The following OSBPL2 variants were observed in gnomAD, a reference collection of about 807,000 sequenced individuals.
OSBPL2 encodes the protein oxysterol binding protein like 2.
In OSBPL2, 18 loss-of-function variants were observed where a neutral mutation model predicts 58.4. The ratio of observed to expected loss-of-function variants is 0.31; its 90% CI spans 0.21 to 0.46. The LOEUF (loss-of-function observed/expected upper bound fraction) is 0.46, where lower values mean the gene tolerates loss of function less well. Among genes scored for constraint, OSBPL2 ranks in the 20% least tolerant of loss-of-function variants. The pLI is 1.00. For synonymous variants in OSBPL2, 221 were observed against 234.1 expected (o/e 0.94, Z 0.51); for missense variants, 461 against 616.5 (o/e 0.75, Z 2.67).
At chr20:62,257,715 ATT>A (rs536036293) in intron 2 of OSBPL2, among the ~76,000 whole-genome samples, 24 of 129,148 alleles carry the variant, frequency 1.9e-4, no homozygotes, top group African/African-American at 3.1e-4. Flanking sequence ...ACCTCTGGCC[ATT>A]TTTTTTTTTT....
intron 1 of OSBPL2, among the ~76,000 whole-genome samples, chr20:62,254,673 G>C (rs917256846): frequency 6.6e-6 from 1 of 152,262 alleles, no homozygotes; most frequent in African/African-American, 2.4e-5. Flanking sequence ...TCGCCCCGGC[G>C]CCCTCACCCT....
chr20:62,257,101 C>T (rs184867684), intron 2 of OSBPL2, among the ~76,000 whole-genome samples: 1 of 152,366 alleles, frequency 6.6e-6, no homozygotes, highest in East Asian at 1.9e-4. Flanking sequence ...AGCACTTCTG[C>T]GGTTACTGCC....
intron 3 of OSBPL2, among the ~76,000 whole-genome samples, chr20:62,261,753 G>A (rs557659388): frequency 9.2e-5 from 14 of 152,158 alleles, no homozygotes; most frequent in Non-Finnish European, 2.1e-4. Flanking sequence ...TTGTGCAGAG[G>A]CATTTGTGTA....
At chr20:62,240,985 C>T (rs1979689893) in intron 1 of OSBPL2, among the ~76,000 whole-genome samples, 1 of 152,162 alleles carries the variant, frequency 6.6e-6, no homozygotes, top group Admixed American at 6.5e-5. Flanking sequence ...GGGGACTTCA[C>T]ACACTGCCTT....
rs371594976 is a variant in OSBPL2, at chr20:62,256,190, C to T, written c.6C>T (p.Asn2=). 71 of 1,613,598 alleles carry T rather than the reference C, an allele frequency of 4.4e-5. No individual in the cohort carries two copies. Among genetic ancestry groups the T allele is most frequent in the Admixed American group, 1.3e-4 (8 of 59,968 alleles). Residue 2 remains asparagine, a synonymous_variant, in exon 2 of 14, where the codon AAC becomes AAT. Transcript: ENST00000313733. The part of the protein sequence containing the change: M[N]GEEEFFDAVT... ...TGGAGGCTGGCTGCTGAAGGATGAA[C>T]GGAGAGGAAGAATTCTTTGATGCCG...
At chr20:62,280,285 G>A (rs1283311959) in intron 7 of OSBPL2, 2 of 410,504 alleles carry the variant, frequency 4.9e-6, no homozygotes, top group Non-Finnish European at 4.4e-6. Context: ...GGTTCCACAA[G>A]GACCTGGAGA....
At chr20:62,259,084 G>A (rs547912038) in intron 2 of OSBPL2, 2 of 152,352 alleles carry the variant, frequency 1.3e-5, no homozygotes, top group East Asian at 1.9e-4. Context: ...GACCCTCCCG[G>A]GCTTGTGCCC....
At chr20:62,266,051 G>C (rs977116741) in intron 4 of OSBPL2, among the ~76,000 whole-genome samples, 3 of 152,222 alleles carry the variant, frequency 2.0e-5, no homozygotes, top group African/African-American at 7.2e-5. Flanking sequence ...GAGCCCAGGA[G>C]TTTGAGGCTG....
chr20:62,281,688 C>G (rs758066298), intron 8 of OSBPL2, 102 bp from the exon 9 acceptor site: 27 of 806,294 alleles, frequency 3.3e-5, no homozygotes, highest in Admixed American at 7.3e-5. Flanking sequence ...AGTCACCCCC[C>G]GCCTGCCCCA....
In OSBPL2 at chr20:62,256,041, A is replaced by AT; in HGVS notation, c.-128-9dup. The AT allele has an allele frequency of 1.1e-6, 1 of 904,160 alleles. No homozygotes were observed. The highest frequency in any genetic ancestry group is 1.6e-6 in the Non-Finnish European group (1 of 614,552). 56.0% of individuals were successfully genotyped at this position (904,160 alleles called of 1,614,324 possible). On this transcript the variant is annotated splice_polypyrimidine_tract_variant and intron_variant, in intron 1 of 13. Coordinates refer to ENST00000313733, the MANE Select transcript of OSBPL2 (RefSeq NM_144498.4). ...ACTTCTGGAAGCTAAGTATGCCAAA[A>AT]TTTTTTTCCCTTTAGATCTTCAGTG...
chr20:62,279,592 A>G (rs936115270), intron 7 of OSBPL2: 3 of 533,506 alleles, frequency 5.6e-6, no homozygotes, highest in Non-Finnish European at 3.3e-6. Flanking sequence ...CCAGGGTCCC[A>G]TGTTGCTGGG....
chr20:62,281,035 C>T, intron 7 of OSBPL2, 23 bp from the exon 8 acceptor site: 3 of 1,580,926 alleles, frequency 1.9e-6, no homozygotes, highest in Non-Finnish European at 1.7e-6. Flanking sequence ...ACTCTCACTG[C>T]TTGTTTTCTG....
chr20:62,273,990 C>T (rs1982232250), intron 6 of OSBPL2, among the ~76,000 whole-genome samples: 1 of 152,202 alleles, frequency 6.6e-6, no homozygotes, highest in South Asian at 2.1e-4. Context: ...GAACTTTCTT[C>T]TAGGCAGCGT....
chr20:62,273,251 T>C lies in OSBPL2; in HGVS notation c.394-58T>C, dbSNP rs896095263. 7 of 1,389,790 alleles carry C rather than the reference T, an allele frequency of 5.0e-6. No individual in the cohort carries two copies. The African/African-American group carries it at 1.0e-4, about 20-fold the overall frequency. 86.1% of individuals were successfully genotyped at this position (1,389,790 alleles called of 1,614,324 possible). A position where few individuals can be genotyped will look rare whatever the true frequency, so the allele number is the denominator to read the frequency against. ...CCACCGCCCTCCACAAGAGGCCATC[T>C]TCTCCAGCGCGTTTCCTAACTGAAG... is the stretch of plus-strand genomic sequence containing the variant. On this transcript the variant is annotated intron_variant, in intron 5 of 13. Transcript: ENST00000313733.
At chr20:62,246,523 G>A (rs1016533592) in intron 1 of OSBPL2, among the ~76,000 whole-genome samples, 6 of 152,328 alleles carry the variant, frequency 3.9e-5, no homozygotes, top group Admixed American at 6.5e-5. Context: ...GCTTCTAGGC[G>A]TCCGGGTGAT....
In OSBPL2 at chr20:62,269,546, C is replaced by T. The variant is rs532563206; in HGVS notation, c.259-2579C>T. On this transcript the variant is annotated intron_variant, in intron 4 of 13. Coordinates refer to ENST00000313733, the MANE Select transcript of OSBPL2 (RefSeq NM_144498.4). The surrounding 1 kb of genome is among the most constrained non-coding windows in gnomAD (Gnocchi z 4.2). ...ATCTCTCCTCTCCTGAGCAAGGCAG[C>T]GTCTCCCCCATGCTCAGGGCTGCCA... Among the ~76,000 whole-genome samples, 3 of 152,180 alleles carry T rather than the reference C, an allele frequency of 2.0e-5. No homozygotes were observed. The highest frequency in any genetic ancestry group is 4.4e-5 in the Non-Finnish European group (3 of 68,030).
chr20:62,266,253 G>A (rs1360721249), intron 4 of OSBPL2, among the ~76,000 whole-genome samples: 1 of 152,206 alleles, frequency 6.6e-6, no homozygotes, highest in Non-Finnish European at 1.5e-5. Context: ...ACGTAGGACT[G>A]GCAAGCATAG....
chr20:62,293,538 A>C (rs541054984), intron 13 of OSBPL2, among the ~76,000 whole-genome samples: 2 of 152,320 alleles, frequency 1.3e-5, no homozygotes, highest in East Asian at 3.9e-4. Flanking sequence ...TTTTGTGTTG[A>C]GTTAAACCCT....
intron 2 of OSBPL2, among the ~76,000 whole-genome samples, chr20:62,257,961 T>C (rs538561054): frequency 1.4e-4 from 22 of 152,292 alleles, no homozygotes; most frequent in African/African-American, 5.1e-4. Context: ...GTGATCCACC[T>C]GCCTTGGCCT....
Sources: gnomAD v4.1 joint callset for allele counts (sites outside exome capture counted in the v4.1 genomes callset) on GRCh38, gnomAD v4.1.1 for gene constraint, Gnocchi (gnomAD v3.1) non-coding constraint, MANE v1.5 for transcripts, NCBI Gene and HGNC (gene_info 2026-07-23, HGNC 2026-07-21) for gene names.